Variants in RASSF8 observed in about 807,000 individuals in gnomAD.
The protein encoded by RASSF8 is ras association domain-containing protein 8.
In RASSF8, 22 loss-of-function variants were observed where a neutral mutation model predicts 48.5. That is an observed-to-expected ratio of 0.45 (90% confidence interval 0.32 to 0.65). The LOEUF (loss-of-function observed/expected upper bound fraction) is 0.65, where lower values mean the gene tolerates loss of function less well. Among genes scored for constraint, RASSF8 ranks in the 30% least tolerant of loss-of-function variants. RASSF8 has a pLI of 0.03. For synonymous variants in RASSF8, 127 were observed against 171.5 expected, an observed-to-expected ratio of 0.74 and a Z score of 2.03; for missense variants, 418 against 489.2, an observed-to-expected ratio of 0.85 and a Z score of 1.37.
intron 2 of RASSF8, among the ~76,000 whole-genome samples, chr12:26,054,607 A>G (rs947396507): frequency 6.6e-6 from 1 of 152,018 alleles, no homozygotes; most frequent in Non-Finnish European, 1.5e-5. Context: ...GCGGGAAGAC[A>G]CTCTTTGTCC....
At position 26,064,697 on chromosome 12, in the gene RASSF8, A is replaced by G; in HGVS notation, c.303A>G (p.Leu101=). The G allele has an allele frequency of 6.2e-7, 1 of 1,614,156 alleles. No individual in the cohort carries two copies. The highest frequency in any genetic ancestry group is 8.5e-7 in the Non-Finnish European group (1 of 1,180,008). Residue 101 remains leucine, a synonymous_variant, in exon 4 of 6, where the codon TTA becomes TTG. Coordinates refer to ENST00000689635, the MANE Select transcript of RASSF8 (RefSeq NM_001394098.1). The part of the protein sequence containing the change: ...DSVARIPERT[L]YRQSLPPLAK... ...TGGCTCGAATTCCTGAAAGAACTTT[A>G]TACAGGCAGAGTCTGCCCCCCTTAG...
intron 1 of RASSF8, among the ~76,000 whole-genome samples, chr12:25,963,002 A>G (rs931934202): frequency 6.6e-6 from 1 of 152,140 alleles, no homozygotes; most frequent in African/African-American, 2.4e-5. Flanking sequence ...TTATCAGCAT[A>G]AGCTTACTGA....
At chr12:26,037,042 T>C (rs1212969578) in intron 2 of RASSF8, among the ~76,000 whole-genome samples, 2 of 152,200 alleles carry the variant, frequency 1.3e-5, no homozygotes, top group Non-Finnish European at 2.9e-5. Context: ...ATTAACAGTA[T>C]TGGTTGGTTG....
rs1447916208 is a variant in RASSF8, at chr12:26,069,687, A to G, written c.*869A>G. 1.0e-6 allele frequency: 1 copy of G among 985,430 alleles called. No homozygotes were observed. Among genetic ancestry groups the G allele is most frequent in the Non-Finnish European group, 1.2e-6 (1 of 829,914 alleles). 61.0% of individuals were successfully genotyped at this position (985,430 alleles called of 1,614,324 possible). A position where few individuals can be genotyped will look rare whatever the true frequency, so the allele number is the denominator to read the frequency against. ...TCAGAATTAATCTAACATGGAAGTT[A>G]TAGATACCTGAAAGCTGGGTTGGTC... On this transcript the variant is annotated 3_prime_UTR_variant, in exon 6 of 6. Coordinates refer to ENST00000689635, the MANE Select transcript of RASSF8 (RefSeq NM_001394098.1).
chr12:26,030,443 T>C (rs923969972), intron 2 of RASSF8, among the ~76,000 whole-genome samples: 2 of 152,178 alleles, frequency 1.3e-5, no homozygotes. Flanking sequence ...TAGGATGACT[T>C]TTTAAAACCA....
chr12:26,001,804 G>T (rs748377254), intron 2 of RASSF8, among the ~76,000 whole-genome samples: 1 of 152,048 alleles, frequency 6.6e-6, no homozygotes, highest in Non-Finnish European at 1.5e-5. Context: ...AAAAAGGAAG[G>T]AATACCCTTT....
chr12:25,983,798 AAAT>A (rs1300023750), intron 1 of RASSF8, among the ~76,000 whole-genome samples: 2 of 152,178 alleles, frequency 1.3e-5, no homozygotes, highest in African/African-American at 4.8e-5. Flanking sequence ...GTGATACTAA[AAAT>A]AGTGAACAAC....
At chr12:26,011,254 T>C (rs1459403244) in intron 2 of RASSF8, among the ~76,000 whole-genome samples, 1 of 151,558 alleles carries the variant, frequency 6.6e-6, no homozygotes, top group Non-Finnish European at 1.5e-5. Flanking sequence ...GAGTCAGTCA[T>C]GTGTCCATGG....
chr12:26,024,994 G>C (rs1264529964), intron 2 of RASSF8, among the ~76,000 whole-genome samples: 2 of 151,782 alleles, frequency 1.3e-5, no homozygotes, highest in Admixed American at 6.6e-5. Context: ...TACATCAATA[G>C]AATAAAGAAC....
chr12:26,031,038 T>C (rs1211787262), intron 2 of RASSF8, among the ~76,000 whole-genome samples: 1 of 152,190 alleles, frequency 6.6e-6, no homozygotes, highest in Non-Finnish European at 1.5e-5. Flanking sequence ...TATTTCTTCT[T>C]AAATATGTCT....
intron 2 of RASSF8, among the ~76,000 whole-genome samples, chr12:26,004,998 T>TA (rs71065997): frequency 0.067 from 10,152 of 151,192 alleles, 715 homozygotes; most frequent in East Asian, 0.27. Flanking sequence ...TACAAAAAGT[T>TA]AAAAAAAAAT....
In RASSF8 at chr12:26,016,206, G is replaced by GT. The variant is rs35863199; in HGVS notation, c.-109+21091dup. On this transcript the variant is annotated intron_variant, in intron 2 of 5. Transcript: ENST00000689635. Reference sequence around the variant, plus strand: ...TGGAGTTATTAAGGGCTGTTTTTGGGTTTTTTTTTTTTTTTATTTGTTTGT... The same window carrying GT: ...TGGAGTTATTAAGGGCTGTTTTTGGGTTTTTTTTTTTTTTTTATTTGTTTGT... Among the ~76,000 whole-genome samples, 736 of 144,094 alleles carry GT rather than the reference G, an allele frequency of 5.1e-3. 4 individuals are homozygous for GT. Among genetic ancestry groups the GT allele is most frequent in the African/African-American group, 0.017 (671 of 39,368 alleles). The allele number at this position is 144,094 out of a possible 152,430, so 94.5% of individuals were successfully genotyped here.
At position 25,967,636 on chromosome 12, in the gene RASSF8, A is replaced by G. The variant is rs369988355; in HGVS notation, c.-203+8488A>G. 2.6e-5 allele frequency among the ~76,000 whole-genome samples: 4 copies of G among 152,252 alleles called. No homozygotes were observed. The East Asian group carries it at 5.8e-4, about 22-fold the overall frequency. On this transcript the variant is annotated intron_variant, in intron 1 of 5. Transcript: ENST00000689635. The stretch of plus-strand genomic sequence containing the variant: ...GTCTAAATGGGGCCACTGATTCTTC[A>G]CTCTGGGTTGTTTTGAAATAAAGGA...
intron 2 of RASSF8, among the ~76,000 whole-genome samples, chr12:26,046,220 A>G (rs775356109): frequency 2.6e-5 from 4 of 152,242 alleles, no homozygotes; most frequent in African/African-American, 7.2e-5. Flanking sequence ...AGTGTTGGAA[A>G]TTATAATTCC....
intron 4 of RASSF8, among the ~76,000 whole-genome samples, chr12:26,066,812 T>C (rs1943886057): frequency 6.6e-6 from 1 of 152,180 alleles, no homozygotes; most frequent in Admixed American, 6.5e-5. Flanking sequence ...AGAGCCAGGG[T>C]ACTTTTTCTT....
intron 2 of RASSF8, among the ~76,000 whole-genome samples, chr12:26,051,622 T>G (rs77577685): frequency 0.038 from 5,822 of 152,296 alleles, 139 homozygotes; most frequent in African/African-American, 0.065. Context: ...CTACAAAATA[T>G]TGTACTCCCA....
intron 2 of RASSF8, among the ~76,000 whole-genome samples, chr12:26,011,542 G>A (rs556611313): frequency 2.0e-5 from 3 of 152,242 alleles, no homozygotes; most frequent in East Asian, 1.9e-4. Flanking sequence ...GAATGTTTGT[G>A]TATCTCCCCC....
intron 2 of RASSF8, among the ~76,000 whole-genome samples, chr12:26,014,189 G>A (rs1228046282): frequency 6.6e-6 from 1 of 152,176 alleles, no homozygotes; most frequent in Non-Finnish European, 1.5e-5. Context: ...CAGCAAATGT[G>A]TTTTAACTAA....
intron 2 of RASSF8, among the ~76,000 whole-genome samples, chr12:26,049,925 C>G (rs2137208071): frequency 6.6e-6 from 1 of 152,274 alleles, no homozygotes; most frequent in Middle Eastern, 3.4e-3. Flanking sequence ...GCTGGGACTA[C>G]AGGTGCCCGC....
Sources: allele counts gnomAD v4.1 joint callset (sites outside exome capture counted in the v4.1 genomes callset), GRCh38; gene constraint gnomAD v4.1.1; transcripts MANE v1.5; gene names NCBI Gene and HGNC (gene_info 2026-07-23, HGNC 2026-07-21).